Variants in THRB observed in about 807,000 individuals in gnomAD.
THRB encodes the protein thyroid hormone receptor beta.
THRB carries 12 observed loss-of-function variants against 47.8 expected under a neutral mutation model. That is an observed-to-expected ratio of 0.25 (90% CI 0.16 to 0.41). The LOEUF (loss-of-function observed/expected upper bound fraction) is 0.41. Among genes scored for constraint, THRB ranks in the 10% least tolerant of loss-of-function variants. The pLI, the probability that THRB is intolerant of heterozygous loss-of-function variation, is 1.00. For synonymous variants in THRB, 218 were observed against 212.2 expected (o/e 1.03, Z -0.24); for missense variants, 348 against 589.2 (o/e 0.59, Z 4.24).
At chr3:24,375,210 C>G (rs775241804) in intron 1 of THRB, among the ~76,000 whole-genome samples, 7 of 151,302 alleles carry the variant, frequency 4.6e-5, no homozygotes, top group Non-Finnish European at 8.8e-5. Flanking sequence ...GCAGCATACA[C>G]TATCTTTTAA....
Position 24,127,724 on chromosome 3 carries a change from C to T in THRB, c.919G>A (p.Gly307Ser). 6.2e-7 allele frequency: 1 copy of T among 1,614,198 alleles called. No homozygotes were observed. Among genetic ancestry groups the T allele is most frequent in the Non-Finnish European group, 8.5e-7 (1 of 1,180,046 alleles). Residue 307 changes from glycine to serine, a missense_variant, in exon 10 of 11, where the codon GGC (glycine) becomes AGC (serine). Gly to Ser is a moderately conservative substitution (Grantham distance 56). Coordinates refer to ENST00000646209, the MANE Select transcript of THRB (RefSeq NM_001354712.2). ...AGGGACATGATCTCCATGCAGCAGC[C>T]TTTGAGGAGGATGATCTGGTCTTCA... ...PCEDQIILLK[G>S]CCMEIMSLRA...
chr3:24,345,545 A>T (rs2062958769), intron 1 of THRB, among the ~76,000 whole-genome samples: 1 of 152,198 alleles, frequency 6.6e-6, no homozygotes, highest in African/African-American at 2.4e-5. Flanking sequence ...GTAATAGGAC[A>T]ATAACAATAC....
chr3:24,390,315 G>C (rs557796806), intron 1 of THRB, among the ~76,000 whole-genome samples: 74 of 152,258 alleles, frequency 4.9e-4, no homozygotes, highest in African/African-American at 1.6e-3. Context: ...AGCATAAGTG[G>C]TTTTCGAACA....
intron 5 of THRB, among the ~76,000 whole-genome samples, chr3:24,166,686 C>T (rs570573763): frequency 3.9e-5 from 6 of 152,196 alleles, no homozygotes; most frequent in East Asian, 1.9e-4. Context: ...GGATTCCTTC[C>T]GTTTCTTAGG....
At chr3:24,360,684 C>T (rs1456666260) in intron 1 of THRB, among the ~76,000 whole-genome samples, 1 of 152,146 alleles carries the variant, frequency 6.6e-6, no homozygotes, top group East Asian at 1.9e-4. Context: ...TTCTATCATG[C>T]AGCAAAATTT....
At chr3:24,380,925 G>C (rs1214956686) in intron 1 of THRB, among the ~76,000 whole-genome samples, 2 of 152,138 alleles carry the variant, frequency 1.3e-5, no homozygotes, top group East Asian at 3.9e-4. Context: ...GACCATCCTG[G>C]ACAACATGGT....
At chr3:24,243,461 G>A (rs59681208) in intron 3 of THRB, among the ~76,000 whole-genome samples, 63 of 151,990 alleles carry the variant, frequency 4.1e-4, no homozygotes, top group African/African-American at 1.5e-3. Context: ...CCCTACAAGA[G>A]GGCCTTTTGC....
intron 1 of THRB, among the ~76,000 whole-genome samples, chr3:24,393,851 A>G (rs1420362701): frequency 6.6e-6 from 1 of 152,098 alleles, no homozygotes; most frequent in Non-Finnish European, 1.5e-5. Context: ...TCCAATGTCC[A>G]TTTTTGCTAA....
chr3:24,347,080 C>A (rs2063065805), intron 1 of THRB, among the ~76,000 whole-genome samples: 2 of 151,778 alleles, frequency 1.3e-5, no homozygotes. Flanking sequence ...AAACAGAAAT[C>A]AATAATAAAA....
At position 24,148,346 on chromosome 3, in the gene THRB, C is replaced by T. The variant is rs184122877; in HGVS notation, c.385-1524G>A. Among the ~76,000 whole-genome samples, 502 of 152,278 alleles carry T rather than the reference C, an allele frequency of 3.3e-3. 2 individuals carry two copies. The highest frequency in any genetic ancestry group is 0.011 in the African/African-American group (475 of 41,546). On this transcript the variant is annotated intron_variant, in intron 6 of 10. Coordinates refer to ENST00000646209, the MANE Select transcript of THRB (RefSeq NM_001354712.2). Reference sequence around the variant, plus strand: ...TTTGCCATGTTGGCCAGGCTGGTCTCGAACTCCTGGCCTTCAGTGATCCGT... The same window carrying T: ...TTTGCCATGTTGGCCAGGCTGGTCTTGAACTCCTGGCCTTCAGTGATCCGT...
intron 1 of THRB, among the ~76,000 whole-genome samples, chr3:24,350,376 T>A (rs1203832250): frequency 2.6e-5 from 4 of 152,084 alleles, no homozygotes; most frequent in African/African-American, 9.7e-5. Flanking sequence ...GTACACGTGG[T>A]CACCAAAAGA....
chr3:24,227,308 C>T (rs779762271), intron 4 of THRB, among the ~76,000 whole-genome samples: 2 of 152,200 alleles, frequency 1.3e-5, no homozygotes, highest in African/African-American at 4.8e-5. Flanking sequence ...CTTAGGCCAT[C>T]ACTCCTCCTG....
chr3:24,407,545 TA>T (rs1407252197), intron 1 of THRB, among the ~76,000 whole-genome samples: 9 of 151,884 alleles, frequency 5.9e-5, no homozygotes, highest in African/African-American at 2.2e-4. Flanking sequence ...AAGAATGAAA[TA>T]ATTAGCTGAT....
intron 1 of THRB, among the ~76,000 whole-genome samples, chr3:24,451,527 G>A (rs1379880962): frequency 5.9e-5 from 9 of 152,182 alleles, no homozygotes; most frequent in South Asian, 2.1e-4. Flanking sequence ...GAGCCACCAC[G>A]CCCGGCCTAC....
chr3:24,381,100 T>A (rs1441584860), intron 1 of THRB, among the ~76,000 whole-genome samples: 2 of 135,362 alleles, frequency 1.5e-5, no homozygotes, highest in African/African-American at 2.8e-5. Flanking sequence ...GGTGACAGAG[T>A]GAGACTCTGC....
chr3:24,486,656 T>C (rs942300993), intron 1 of THRB: 1 of 152,232 alleles, frequency 6.6e-6, no homozygotes, highest in Non-Finnish European at 1.5e-5. Flanking sequence ...CTAGGATCTT[T>C]TTCTCACAAG....
At chr3:24,137,763 A>G (rs1393384504) in intron 8 of THRB, among the ~76,000 whole-genome samples, 3 of 152,212 alleles carry the variant, frequency 2.0e-5, no homozygotes, top group African/African-American at 7.2e-5. Context: ...GGGCATAGAC[A>G]TGACACGATG....
At chr3:24,258,955 G>A (rs2051620771) in intron 3 of THRB, among the ~76,000 whole-genome samples, 1 of 152,106 alleles carries the variant, frequency 6.6e-6, no homozygotes, top group South Asian at 2.1e-4. Context: ...GCTTGATTCA[G>A]TCCTTATTTT....
At chr3:24,285,798 C>T (rs1169690842) in intron 3 of THRB, among the ~76,000 whole-genome samples, 1 of 152,076 alleles carries the variant, frequency 6.6e-6, no homozygotes, top group African/African-American at 2.4e-5. Context: ...TACATTGATT[C>T]CTAAGGTTAG....
Sources: gnomAD v4.1 joint callset for allele counts (sites outside exome capture counted in the v4.1 genomes callset) on GRCh38, gnomAD v4.1.1 for gene constraint, MANE v1.5 for transcripts, NCBI Gene and HGNC (gene_info 2026-07-23, HGNC 2026-07-21) for gene names.